BLK: variants seen among roughly 807,000 people sequenced by gnomAD.
BLK encodes the protein BLK proto-oncogene, Src family tyrosine kinase.
A neutral mutation model predicts 61.8 loss-of-function variants in BLK; 64 were observed. The ratio of observed to expected loss-of-function variants is 1.03; its 90% CI spans 0.85 to 1.27. BLK has a LOEUF of 1.27. Ranked by LOEUF, BLK falls within the 50% of genes most tolerant of loss-of-function variation. The pLI is 0.00. For missense variants in BLK, 853 were observed against 660.5 expected (o/e 1.29, Z -3.19); for synonymous variants, 351 against 272.0 (o/e 1.29, Z -2.86).
chr8:11,564,079 A>G lies in BLK; in HGVS notation c.1489A>G (p.Thr497Ala). 1.3e-6 allele frequency: 2 copies of G among 1,590,432 alleles called. No homozygotes were observed. The highest frequency in any genetic ancestry group is 1.7e-6 in the Non-Finnish European group (2 of 1,173,224). Residue 497 changes from threonine (T) to alanine (A), a missense_variant, in exon 13 of 13, where the codon ACC becomes GCC. Thr to Ala is a moderately conservative substitution (Grantham distance 58). Transcript: ENST00000259089. The stretch of plus-strand genomic sequence containing the variant: ...GGTGCTGGAGGACTTCTACACGGCC[A>G]CCGAGCGGCAGTACGAGCTGCAGCC... ...QSVLEDFYTATERQYELQP is the reference protein window; with the variant it reads ...QSVLEDFYTAAERQYELQP
chr8:11,545,696 T>TA, intron 2 of BLK: 2 of 343,024 alleles, frequency 5.8e-6, no homozygotes, highest in Non-Finnish European at 1.1e-5. Context: ...ATATGCTTTT[T>TA]AAATATTTTT....
At chr8:11,514,569 G>T (rs926910924) in intron 1 of BLK, among the ~76,000 whole-genome samples, 6 of 152,168 alleles carry the variant, frequency 3.9e-5, no homozygotes, top group African/African-American at 1.2e-4. Flanking sequence ...GTGACACAGT[G>T]CAGAGATGCT....
At chr8:11,508,898 G>T (rs1043277698) in intron 1 of BLK, among the ~76,000 whole-genome samples, 2 of 152,174 alleles carry the variant, frequency 1.3e-5, no homozygotes, top group African/African-American at 4.8e-5. Flanking sequence ...GGAGGTGCCT[G>T]CCCATCCACT....
Position 11,564,480 on chromosome 8 carries a change from C to G in BLK, c.*372C>G, listed in dbSNP as rs747653864. 1.2e-5 allele frequency: 6 copies of G among 521,472 alleles called. No individual in the cohort carries two copies. Among genetic ancestry groups the G allele is most frequent in the Middle Eastern group, 2.8e-4 (1 of 3,512 alleles). The allele number at this position is 521,472 out of a possible 1,614,324, so 32.3% of individuals were successfully genotyped here. ...CCCCGCCTCTGCGCCCTGCGTGGAC[C>G]CCGCCCTGCCCCGCTACAGAAGCCA... On this transcript the variant is annotated 3_prime_UTR_variant, in exon 13 of 13. Coordinates refer to ENST00000259089, the MANE Select transcript of BLK (RefSeq NM_001715.3).
At chr8:11,539,385 A>C (rs1467031274) in intron 1 of BLK, among the ~76,000 whole-genome samples, 2 of 152,164 alleles carry the variant, frequency 1.3e-5, no homozygotes, top group Non-Finnish European at 2.9e-5. Flanking sequence ...TATAGAGTGT[A>C]GATTTATTCA....
At chr8:11,531,726 T>G (rs1264060131) in intron 1 of BLK, among the ~76,000 whole-genome samples, 1 of 152,216 alleles carries the variant, frequency 6.6e-6, no homozygotes, top group East Asian at 1.9e-4. Flanking sequence ...CAGTCACTGA[T>G]GCTCTGTTGT....
chr8:11,544,961 C>T (rs1800559871), intron 2 of BLK, among the ~76,000 whole-genome samples: 1 of 152,202 alleles, frequency 6.6e-6, no homozygotes, highest in Non-Finnish European at 1.5e-5. Flanking sequence ...TTGTACCCTT[C>T]ACCCCAGGCC....
At chr8:11,521,371 GC>G (rs1799439952) in intron 1 of BLK, among the ~76,000 whole-genome samples, 2 of 152,276 alleles carry the variant, frequency 1.3e-5, no homozygotes, top group Non-Finnish European at 2.9e-5. Flanking sequence ...GCTCACTGCA[GC>G]CTTGACTTCC....
At chr8:11,522,135 A>T (rs1799475920) in intron 1 of BLK, among the ~76,000 whole-genome samples, 1 of 152,152 alleles carries the variant, frequency 6.6e-6, no homozygotes, top group Admixed American at 6.5e-5. Flanking sequence ...CACATATTTT[A>T]TTAGGTCCAT....
chr8:11,555,971 C>T (rs925481878), intron 8 of BLK: 8 of 272,350 alleles, frequency 2.9e-5, no homozygotes, highest in East Asian at 9.2e-5. Flanking sequence ...TTCCCCCCCC[C>T]GCCCACCAGG....
chr8:11,545,314 C>T (rs577705544), intron 2 of BLK, among the ~76,000 whole-genome samples: 8 of 152,180 alleles, frequency 5.3e-5, no homozygotes, highest in Admixed American at 2.6e-4. Flanking sequence ...TTTGGGAGGC[C>T]GAGGTGGGAG....
At chr8:11,498,169 G>C (rs1450761414) in intron 1 of BLK, among the ~76,000 whole-genome samples, 3 of 152,196 alleles carry the variant, frequency 2.0e-5, no homozygotes, top group African/African-American at 7.2e-5. Flanking sequence ...GGACCAGTGG[G>C]AGGCAAACAA....
In BLK at chr8:11,555,380, C is replaced by A. The variant is rs202028021; in HGVS notation, c.668C>A (p.Pro223Gln). ...AGGCTGACCCTGCCCTGTGTGCGCC[C>A]GGCCCCGCAGAATCCCTGGGCCCAG... is the stretch of plus-strand genomic sequence containing the variant. ...CQRLTLPCVR[P>Q]APQNPWAQDE... Residue 223 changes from proline to glutamine, a missense_variant, in exon 8 of 13, where the codon CCG (proline) becomes CAG (glutamine). Transcript: ENST00000259089. 6.2e-7 allele frequency: 1 copy of A among 1,614,024 alleles called. No individual in the cohort carries two copies. The highest frequency in any genetic ancestry group is 8.5e-7 in the Non-Finnish European group (1 of 1,180,024).
intron 1 of BLK, among the ~76,000 whole-genome samples, chr8:11,498,870 C>G (rs188660568): frequency 2.6e-5 from 4 of 152,226 alleles, no homozygotes; most frequent in African/African-American, 9.6e-5. Flanking sequence ...CACAACTTTT[C>G]TTACAGGGTG....
intron 1 of BLK, among the ~76,000 whole-genome samples, chr8:11,541,805 T>TA (rs1800392544): frequency 6.6e-6 from 1 of 152,120 alleles, no homozygotes; most frequent in Non-Finnish European, 1.5e-5. Flanking sequence ...GCCAAACCCA[T>TA]AATCTCTTAT....
chr8:11,537,397 G>C (rs991909909), intron 1 of BLK, among the ~76,000 whole-genome samples: 2 of 152,114 alleles, frequency 1.3e-5, no homozygotes, highest in Non-Finnish European at 2.9e-5. Context: ...TGTTCTACCT[G>C]GATGCTACCC....
rs778868900 is a variant in BLK, at chr8:11,516,871, A to C, written c.-2+22280A>C. 2.0e-5 allele frequency among the ~76,000 whole-genome samples: 3 copies of C among 152,188 alleles called. No homozygotes were observed. The East Asian group carries it at 5.8e-4, about 29-fold the overall frequency. ...TGCCACATTTTAGCCACTGAGCAAC[A>C]CTGCTGTGGACACAAGTGTACAAAT... On this transcript the variant is annotated intron_variant, in intron 1 of 12. Transcript: ENST00000259089.
intron 1 of BLK, among the ~76,000 whole-genome samples, chr8:11,542,280 GA>G (rs1051236954): frequency 2.6e-5 from 4 of 152,162 alleles, no homozygotes; most frequent in Admixed American, 1.3e-4. Flanking sequence ...ATTGAAAAGT[GA>G]AAAAAGGTCC....
At chr8:11,559,507 ACT>A (rs35482693) in intron 10 of BLK, among the ~76,000 whole-genome samples, 55,220 of 147,812 alleles carry the variant, frequency 0.37, 11,390 homozygotes, top group Non-Finnish European at 0.48. Context: ...AAACTCACAA[ACT>A]CACACACACA....
Sources: gnomAD v4.1 joint callset for allele counts (sites outside exome capture counted in the v4.1 genomes callset) on GRCh38, gnomAD v4.1.1 for gene constraint, MANE v1.5 for transcripts, NCBI Gene and HGNC (gene_info 2026-07-23, HGNC 2026-07-21) for gene names.